Variants in PTPRN observed in about 807,000 individuals in gnomAD.
PTPRN encodes protein tyrosine phosphatase receptor type N, also known as receptor-type tyrosine-protein phosphatase-like N.
Under a neutral mutation model 108.5 loss-of-function variants are expected in PTPRN, and 70 were observed. The ratio of observed to expected loss-of-function variants is 0.65; its 90% CI spans 0.53 to 0.79. PTPRN has a LOEUF of 0.79. Ranked by LOEUF, PTPRN falls within the 30% of genes least tolerant of loss-of-function variation. PTPRN has a pLI of 0.00. For synonymous variants in PTPRN, 496 were observed against 524.6 expected (o/e 0.95, Z 0.75); for missense variants, 1,136 against 1,295.5 (o/e 0.88, Z 1.89).
intron 1 of PTPRN, 27 bp from the exon 2 acceptor site, chr2:219,307,869 TCA>T: frequency 6.2e-7 from 1 of 1,611,470 alleles, no homozygotes; most frequent in Non-Finnish European, 8.5e-7. Flanking sequence ...GAGCAGAGGC[TCA>T]GACACCCACT....
chr2:219,290,397 C>A lies in PTPRN; in HGVS notation c.2869-100G>T. ...GTGGGGGGAGGGCCCTGGGCAGGTC[C>A]CCTGGGAGGAAGGGAGCCCTCCTGG... On this transcript the variant is annotated intron_variant, in intron 22 of 22. Coordinates refer to ENST00000295718, the MANE Select transcript of PTPRN (RefSeq NM_002846.4). This position sits in a 1 kb window ranked among gnomAD's most constrained non-coding sequence, Gnocchi z 4.2. 1 of 1,415,244 alleles carries A rather than the reference C, an allele frequency of 7.1e-7. No homozygotes were observed. Among genetic ancestry groups the A allele is most frequent in the Non-Finnish European group, 9.8e-7 (1 of 1,020,826 alleles). 87.7% of individuals were successfully genotyped at this position (1,415,244 alleles called of 1,614,324 possible).
intron 11 of PTPRN, 61 bp from the exon 12 acceptor site, chr2:219,299,172 G>C: frequency 2.5e-6 from 4 of 1,609,360 alleles, no homozygotes; most frequent in Non-Finnish European, 3.4e-6. Context: ...CCTCTGTCTT[G>C]CTCTGCCAAG....
Position 219,290,913 on chromosome 2 carries a change from G to T in PTPRN, c.2730-23C>A. The T allele has an allele frequency of 6.2e-7, 1 of 1,610,876 alleles. No individual in the cohort carries two copies. Among genetic ancestry groups the T allele is most frequent in the Non-Finnish European group, 8.5e-7 (1 of 1,177,084 alleles). ...TCACTGAAACAGGAGTTAGTGACAGGTTTAGCTTGAGATGCAGCAGAAAGG... is the reference window on the plus strand; with the variant it reads ...TCACTGAAACAGGAGTTAGTGACAGTTTTAGCTTGAGATGCAGCAGAAAGG... On this transcript the variant is annotated intron_variant, in intron 20 of 22. Transcript: ENST00000295718. The surrounding 1 kb of genome is among the most constrained non-coding windows in gnomAD (Gnocchi z 4.2).
intron 4 of PTPRN, 143 bp downstream of exon 4, chr2:219,303,592 G>A (rs1470077159): frequency 5.3e-6 from 4 of 756,298 alleles, no homozygotes; most frequent in Non-Finnish European, 6.9e-6. Flanking sequence ...GCATGTCAGA[G>A]AGTGACCATT....
Position 219,299,054 on chromosome 2 carries a change from A to G in PTPRN, c.1661T>C (p.Val554Ala). The G allele has an allele frequency of 6.2e-7, 1 of 1,613,920 alleles. No homozygotes were observed. Among genetic ancestry groups the G allele is most frequent in the Non-Finnish European group, 8.5e-7 (1 of 1,179,976 alleles). The change falls in exon 12 of 23, where the codon GTG becomes GCG. Residue 554 changes from valine to alanine, a missense_variant. By Grantham distance (64) the Val-to-Ala change is moderately conservative (BLOSUM62 0). Transcript: ENST00000295718. ...QTGLQILQTG[V>A]GQREEAAAVL... ...TCTCCAGTTAGCGCATACCTGTCCC[A>G]CTCCTGTCTGCAAGATTTGGAGCCC...
rs1269886140 is a variant in PTPRN, at chr2:219,302,243, C to A, written c.888G>T (p.Leu296=). The A allele has an allele frequency of 6.2e-7, 1 of 1,614,178 alleles. No homozygotes were observed. Among genetic ancestry groups the A allele is most frequent in the Non-Finnish European group, 8.5e-7 (1 of 1,180,028 alleles). The change falls in exon 6 of 23, where the codon CTG becomes CTT. Residue 296 remains leucine, a synonymous_variant. Coordinates refer to ENST00000295718, the MANE Select transcript of PTPRN (RefSeq NM_002846.4). The part of the protein sequence containing the change: ...PAPSRARVPR[L]PEQGSSSRAE... Reference sequence around the variant, plus strand: ...CCCGGCTGCTGCTCCCTTGCTCTGGCAGCCTTGGCACCCTGGCCCTGCTGG... The same window carrying A: ...CCCGGCTGCTGCTCCCTTGCTCTGGAAGCCTTGGCACCCTGGCCCTGCTGG...
At chr2:219,295,221 C>T (rs1402409843) in intron 18 of PTPRN, 80 bp from the exon 19 acceptor site, 7 of 1,520,696 alleles carry the variant, frequency 4.6e-6, no homozygotes, top group Non-Finnish European at 6.3e-6. Context: ...GCGACCTTCT[C>T]GGTCTCTCCA....
At chr2:219,293,439 C>T (rs1239090270) in intron 19 of PTPRN, among the ~76,000 whole-genome samples, 3 of 152,154 alleles carry the variant, frequency 2.0e-5, no homozygotes, top group Non-Finnish European at 4.4e-5. Context: ...CTCGGCCTCC[C>T]AAAGTGCTGG....
chr2:219,308,137 G>A (rs1371290748), intron 1 of PTPRN: 4 of 397,958 alleles, frequency 1.0e-5, no homozygotes, highest in African/African-American at 6.3e-5. Context: ...AATTACTGCA[G>A]GAGAGGTTTT....
In PTPRN at chr2:219,302,439, C is replaced by T. The variant is rs776733701; in HGVS notation, c.692G>A (p.Ser231Asn). ...TTCAGCCTTGGGCAGGGGGCCGACACTGACCATCCCTGGGGAGCCCTCTGA... is the reference window on the plus strand; with the variant it reads ...TTCAGCCTTGGGCAGGGGGCCGACATTGACCATCCCTGGGGAGCCCTCTGA... ...RVSEGSPGMV[S>N]VGPLPKAEAP... is the part of the protein sequence containing the mutation. The change falls in exon 6 of 23, where the codon AGT (serine) becomes AAT (asparagine). Residue 231 changes from serine (S) to asparagine (N), a missense_variant. Physicochemically the swap from Ser to Asn is conservative, Grantham distance 46 (BLOSUM62 1). Transcript: ENST00000295718. 5 of 1,614,164 alleles carry T rather than the reference C, an allele frequency of 3.1e-6. No individual in the cohort carries two copies. The East Asian group carries it at 6.7e-5, about 22-fold the overall frequency.
chr2:219,299,301 T>C lies in PTPRN; in HGVS notation c.1603+4A>G. On this transcript the variant is annotated splice_donor_region_variant and intron_variant, in intron 11 of 22. Coordinates refer to ENST00000295718, the MANE Select transcript of PTPRN (RefSeq NM_002846.4). The stretch of plus-strand genomic sequence containing the variant: ...CCTGGGATTGAGGTCGCAGAGATAT[T>C]TACCTGCTTGTTGGGTCACATCAGC... 1 of 1,613,994 alleles carries C rather than the reference T, an allele frequency of 6.2e-7. No homozygotes were observed. Among genetic ancestry groups the C allele is most frequent in the East Asian group, 2.2e-5 (1 of 44,870 alleles).
intron 3 of PTPRN, chr2:219,304,057 T>G: frequency 2.5e-6 from 1 of 392,624 alleles, no homozygotes; most frequent in Non-Finnish European, 4.6e-6. Flanking sequence ...TGATGAATTA[T>G]GTAACCTTGG....
At chr2:219,291,284 C>G (rs1432753525) in intron 20 of PTPRN, among the ~76,000 whole-genome samples, 186 bp downstream of exon 20, 1 of 152,164 alleles carries the variant, frequency 6.6e-6, no homozygotes, top group East Asian at 1.9e-4. Flanking sequence ...ACATACTTTT[C>G]TTCTTTTTTC....
chr2:219,296,007 T>C lies in PTPRN; in HGVS notation c.2508+219A>G. 1 of 610,910 alleles carries C rather than the reference T, an allele frequency of 1.6e-6. No homozygotes were observed. Among genetic ancestry groups the C allele is most frequent in the Non-Finnish European group, 2.8e-6 (1 of 361,300 alleles). 37.8% of individuals were successfully genotyped at this position (610,910 alleles called of 1,614,324 possible). A position where few individuals can be genotyped will look rare whatever the true frequency, so the allele number is the denominator to read the frequency against. Reference sequence around the variant, plus strand: ...ACACACACACACACACACACACATGTATGTTCTGTAAACAGGACACACACA... The same window carrying C: ...ACACACACACACACACACACACATGCATGTTCTGTAAACAGGACACACACA... On this transcript the variant is annotated intron_variant, in intron 18 of 22. Coordinates refer to ENST00000295718, the MANE Select transcript of PTPRN (RefSeq NM_002846.4). The surrounding 1 kb of genome is among the most constrained non-coding windows in gnomAD (Gnocchi z 6.0).
chr2:219,291,704 C>A, intron 19 of PTPRN, 181 bp from the exon 20 acceptor site: 1 of 645,634 alleles, frequency 1.5e-6, no homozygotes, highest in East Asian at 2.7e-5. Flanking sequence ...GTGTGGGTGG[C>A]ATTGGGCTCG....
Position 219,296,540 on chromosome 2 carries a change from T to C in PTPRN, c.2311-24A>G, listed in dbSNP as rs776163158. 1 of 1,613,066 alleles carries C rather than the reference T, an allele frequency of 6.2e-7. No homozygotes were observed. The highest frequency in any genetic ancestry group is 8.5e-7 in the Non-Finnish European group (1 of 1,179,432). ...ATCTGGAGGCAGGGAAGATACACCATGAGCCAGTGTGGGAAATGCCACTAT... is the reference window on the plus strand; with the variant it reads ...ATCTGGAGGCAGGGAAGATACACCACGAGCCAGTGTGGGAAATGCCACTAT... On this transcript the variant is annotated intron_variant, in intron 16 of 22. Coordinates refer to ENST00000295718, the MANE Select transcript of PTPRN (RefSeq NM_002846.4). This position sits in a 1 kb window ranked among gnomAD's most constrained non-coding sequence, Gnocchi z 6.0.
At position 219,302,814 on chromosome 2, in the gene PTPRN, G is replaced by T. The variant is rs1234507296; in HGVS notation, c.401C>A (p.Pro134His). Reference sequence around the variant, plus strand: ...TAAAAGCAGCTCTCCAGCAGGACCAGGTCTCTTGGGTGCCAAGCCAGACCT... The same window carrying T: ...TAAAAGCAGCTCTCCAGCAGGACCATGTCTCTTGGGTGCCAAGCCAGACCT... ...RDRSGLAPKR[P>H]GPAGELLLQD... Residue 134 changes from proline (P) to histidine (H), a missense_variant, in exon 5 of 23, where the codon CCT becomes CAT. Transcript: ENST00000295718. 6.2e-7 allele frequency: 1 copy of T among 1,613,270 alleles called. No homozygotes were observed. The highest frequency in any genetic ancestry group is 1.3e-5 in the African/African-American group (1 of 75,012).
chr2:219,300,159 A>C lies in PTPRN; in HGVS notation c.1262T>G (p.Val421Gly), dbSNP rs770642377. The C allele has an allele frequency of 5.5e-5, 89 of 1,613,532 alleles. 2 individuals carry two copies. In the Admixed American group the frequency reaches 1.2e-3, roughly 21 times the overall value. Residue 421 changes from valine (V) to glycine (G), a missense_variant, in exon 9 of 23, where the codon GTC becomes GGC. Val to Gly is a moderately radical substitution (Grantham distance 109, BLOSUM62 -3). Transcript: ENST00000295718. ...HPTASPTSSE[V>G]QQVPSPVSSE... ...GGAGACAGGGCTTGGCACCTGCTGGACTTCACTGGAGGTAGGGCTGGCAGT... is the reference window on the plus strand; with the variant it reads ...GGAGACAGGGCTTGGCACCTGCTGGCCTTCACTGGAGGTAGGGCTGGCAGT...
intron 9 of PTPRN, 90 bp from the exon 10 acceptor site, chr2:219,299,876 C>G: frequency 1.3e-6 from 2 of 1,562,854 alleles, no homozygotes; most frequent in South Asian, 2.4e-5. Flanking sequence ...ACAGAGCAGC[C>G]TGCCAATTCC....
Sources: allele counts gnomAD v4.1 joint callset (sites outside exome capture counted in the v4.1 genomes callset), GRCh38; gene constraint gnomAD v4.1.1; non-coding constraint Gnocchi (gnomAD v3.1); transcripts MANE v1.5; gene names NCBI Gene and HGNC (gene_info 2026-07-23, HGNC 2026-07-21).